SLC10A7: variants seen among roughly 807,000 people sequenced by gnomAD.
SLC10A7 encodes sodium/bile acid cotransporter 7.
Under a neutral mutation model 43.2 loss-of-function variants are expected in SLC10A7, and 29 were observed. The ratio of observed to expected loss-of-function variants is 0.67; its 90% CI spans 0.50 to 0.92. SLC10A7 has a LOEUF of 0.92. Ranked by LOEUF, SLC10A7 falls within the 40% of genes least tolerant of loss-of-function variation. SLC10A7 has a pLI of 0.00. For missense variants in SLC10A7, 295 were observed against 403.2 expected (o/e 0.73, Z 2.30); for synonymous variants, 152 against 144.8 (o/e 1.05, Z -0.35).
At chr4:146,403,765 A>C (rs1169710297) in intron 5 of SLC10A7, among the ~76,000 whole-genome samples, 2 of 152,146 alleles carry the variant, frequency 1.3e-5, no homozygotes, top group Non-Finnish European at 2.9e-5. Flanking sequence ...GCCACTTAAT[A>C]GCTGTTATTA....
intron 6 of SLC10A7, among the ~76,000 whole-genome samples, chr4:146,318,217 A>G (rs1732458391): frequency 2.6e-5 from 4 of 152,032 alleles, no homozygotes; most frequent in Admixed American, 2.6e-4. Context: ...TTTCCCTAAG[A>G]GAGTTATCAA....
At chr4:146,434,165 T>C (rs1579177090) in intron 5 of SLC10A7, among the ~76,000 whole-genome samples, 1 of 152,260 alleles carries the variant, frequency 6.6e-6, no homozygotes, top group East Asian at 1.9e-4. Flanking sequence ...GAAAATAAGA[T>C]TGTCTATACA....
At chr4:146,315,419 T>G (rs11947781) in intron 6 of SLC10A7, among the ~76,000 whole-genome samples, 34,733 of 152,064 alleles carry the variant, frequency 0.23, 4,276 homozygotes, top group African/African-American at 0.32. Flanking sequence ...ATGCAAGTTT[T>G]TAAGTGATGT....
intron 6 of SLC10A7, among the ~76,000 whole-genome samples, chr4:146,309,027 C>T (rs1272036328): frequency 6.6e-6 from 1 of 152,122 alleles, no homozygotes; most frequent in Non-Finnish European, 1.5e-5. Context: ...TTTTTAAAAG[C>T]TGAGGTCGGT....
At chr4:146,425,347 G>A (rs574176348) in intron 5 of SLC10A7, among the ~76,000 whole-genome samples, 10 of 152,186 alleles carry the variant, frequency 6.6e-5, no homozygotes, top group Admixed American at 4.6e-4. Flanking sequence ...TTTCACCAGC[G>A]CTCTCCAGTA....
chr4:146,509,130 T>C (rs1023489340), intron 3 of SLC10A7, among the ~76,000 whole-genome samples: 2 of 152,210 alleles, frequency 1.3e-5, no homozygotes, highest in African/African-American at 4.8e-5. Context: ...CACTGTTTTG[T>C]TCTTTTTACA....
chr4:146,387,804 A>G lies in SLC10A7; in HGVS notation c.435+54979T>C, dbSNP rs562154485. 3.3e-5 allele frequency among the ~76,000 whole-genome samples: 5 copies of G among 152,294 alleles called. No individual in the cohort carries two copies. In the South Asian group the frequency reaches 1.0e-3, roughly 32 times the overall value. On this transcript the variant is annotated intron_variant, in intron 5 of 11. Transcript: ENST00000335472. ...TCAATGGCAATCCAGTTGAAAACCA[A>G]ATAAATAACTCAGTCTCATTTATAA...
intron 9 of SLC10A7, among the ~76,000 whole-genome samples, chr4:146,292,504 AAG>A (rs1730506000): frequency 6.6e-6 from 1 of 152,218 alleles, no homozygotes; most frequent in Non-Finnish European, 1.5e-5. Flanking sequence ...AAATAAGAGA[AAG>A]AGGCAGTTTT....
chr4:146,437,723 C>T (rs1025580971), intron 5 of SLC10A7, among the ~76,000 whole-genome samples: 6 of 151,994 alleles, frequency 3.9e-5, no homozygotes, highest in Non-Finnish European at 8.8e-5. Flanking sequence ...ACAATTGAAT[C>T]TTATCTAGTA....
At chr4:146,358,183 T>C (rs1735793618) in intron 5 of SLC10A7, among the ~76,000 whole-genome samples, 1 of 152,102 alleles carries the variant, frequency 6.6e-6, no homozygotes, top group Admixed American at 6.6e-5. Flanking sequence ...CTAATCCCTC[T>C]TTCCCCCATG....
intron 6 of SLC10A7, among the ~76,000 whole-genome samples, chr4:146,312,248 TTTTC>T (rs1170080223): frequency 1.3e-5 from 2 of 152,192 alleles, no homozygotes; most frequent in African/African-American, 4.8e-5. Context: ...ATGGCTTCAC[TTTTC>T]TTTTTGTTTA....
intron 5 of SLC10A7, among the ~76,000 whole-genome samples, chr4:146,329,779 G>A (rs1733408299): frequency 6.6e-6 from 1 of 152,166 alleles, no homozygotes; most frequent in African/African-American, 2.4e-5. Flanking sequence ...TAAAAAGGGT[G>A]AGCTAAACAT....
intron 5 of SLC10A7, among the ~76,000 whole-genome samples, chr4:146,394,608 C>T (rs954675787): frequency 2.0e-5 from 3 of 152,074 alleles, no homozygotes; most frequent in Admixed American, 6.6e-5. Context: ...GCAATTCATC[C>T]GCCTCGGCCT....
chr4:146,445,885 TCTC>T (rs1457704352), intron 4 of SLC10A7, among the ~76,000 whole-genome samples: 61 of 111,290 alleles, frequency 5.5e-4, no homozygotes, highest in African/African-American at 1.9e-3. Flanking sequence ...TTCTCTCTTC[TCTC>T]TTCTGTGTGT....
chr4:146,451,243 A>C (rs969961592), intron 4 of SLC10A7, among the ~76,000 whole-genome samples: 10 of 148,770 alleles, frequency 6.7e-5, no homozygotes, highest in East Asian at 1.9e-4. Context: ...AAAAAAAAAA[A>C]AAAAAAACAA....
chr4:146,465,396 C>T (rs548840882), intron 4 of SLC10A7, among the ~76,000 whole-genome samples: 1 of 152,066 alleles, frequency 6.6e-6, no homozygotes, highest in South Asian at 2.1e-4. Flanking sequence ...TTTACAGGCA[C>T]AATGTTATTC....
chr4:146,258,611 C>A, intron 11 of SLC10A7, 81 bp downstream of exon 11: 1 of 1,377,300 alleles, frequency 7.3e-7, no homozygotes, highest in Non-Finnish European at 9.7e-7. Flanking sequence ...CAAGCAAAAT[C>A]GAAAGTGTAT....
At chr4:146,460,593 A>G (rs568091662) in intron 4 of SLC10A7, among the ~76,000 whole-genome samples, 1 of 152,108 alleles carries the variant, frequency 6.6e-6, no homozygotes. Flanking sequence ...GGCTACATGT[A>G]CTGTATGATT....
intron 5 of SLC10A7, chr4:146,441,763 T>C (rs1730621710): frequency 1.0e-6 from 1 of 985,028 alleles, no homozygotes; most frequent in South Asian, 4.7e-5. Flanking sequence ...GCTATGCATA[T>C]ATTTTGCAGA....
Sources: allele counts gnomAD v4.1 joint callset (sites outside exome capture counted in the v4.1 genomes callset), GRCh38; gene constraint gnomAD v4.1.1; transcripts MANE v1.5; gene names NCBI Gene and HGNC (gene_info 2026-07-23, HGNC 2026-07-21).